The following TNK2 variants were observed in gnomAD, a reference collection of about 807,000 sequenced individuals.
TNK2 encodes the protein activated CDC42 kinase 1.
In TNK2, 83 loss-of-function variants were observed where a neutral mutation model predicts 101.8. That is an observed-to-expected ratio of 0.82 (90% CI 0.68 to 0.98). The LOEUF is 0.98. TNK2 is among the 50% of genes least tolerant of loss of function. TNK2 has a pLI of 0.00. For synonymous variants in TNK2, 804 were observed against 633.0 expected (o/e 1.27, Z -4.06); for missense variants, 1,665 against 1,483.2 (o/e 1.12, Z -2.01).
chr3:195,892,799 C>G (rs1759127766), intron 1 of TNK2: 2 of 1,130,970 alleles, frequency 1.8e-6, no homozygotes, highest in Non-Finnish European at 2.2e-6. Flanking sequence ...CGCCCGGCCG[C>G]CCTCCCTCTT....
At chr3:195,879,263 C>T (rs531382480) in intron 6 of TNK2, 88 bp from the exon 7 acceptor site, 3 of 1,565,422 alleles carry the variant, frequency 1.9e-6, no homozygotes, top group African/African-American at 1.3e-5. Flanking sequence ...GCAGCAAACA[C>T]TTGTTGTGAC....
Position 195,864,041 on chromosome 3 carries a change from A to G in TNK2, c.*140T>C. On this transcript the variant is annotated 3_prime_UTR_variant, in exon 16 of 16. Coordinates refer to ENST00000672887, the MANE Select transcript of TNK2 (RefSeq NM_001382273.1). Reference sequence around the variant, plus strand: ...CAGGGCAGGGCTCCCAGCCTCCCGCAGCCTTGGCCTTGCTCCATCCCCGGG... The same window carrying G: ...CAGGGCAGGGCTCCCAGCCTCCCGCGGCCTTGGCCTTGCTCCATCCCCGGG... 7.8e-6 allele frequency: 9 copies of G among 1,156,874 alleles called. No homozygotes were observed. The highest frequency in any genetic ancestry group is 1.1e-5 in the Non-Finnish European group (9 of 794,488). The allele number at this position is 1,156,874 out of a possible 1,614,324, so 71.7% of individuals were successfully genotyped here.
At chr3:195,881,870 G>A (rs1331702335) in intron 6 of TNK2, among the ~76,000 whole-genome samples, 181 bp downstream of exon 6, 50 of 152,120 alleles carry the variant, frequency 3.3e-4, no homozygotes, top group Admixed American at 3.3e-3. Flanking sequence ...CTGGCACGTG[G>A]GCCCTCAAGA....
Position 195,882,148 on chromosome 3 carries a change from C to T in TNK2, c.790G>A (p.Asp264Asn), listed in dbSNP as rs1434082281. 7 of 1,613,740 alleles carry T rather than the reference C, an allele frequency of 4.3e-6. No homozygotes were observed. Among genetic ancestry groups the T allele is most frequent in the East Asian group, 4.5e-5 (2 of 44,900 alleles). Residue 264 changes from aspartate (D) to asparagine (N), a missense_variant, in exon 6 of 16, where the codon GAC (aspartate) becomes AAC (asparagine). This residue lies in a region of TNK2 where 490 missense variants were observed against 522.5 expected (regional missense o/e 0.94). Transcript: ENST00000672887. The surrounding 1 kb of genome is among the most constrained non-coding windows in gnomAD (Gnocchi z 4.2). Reference protein sequence around the residue: ...AARNLLLATRDLVKIGDFGLM... With the variant: ...AARNLLLATRNLVKIGDFGLM... Reference sequence around the variant, plus strand: ...CCAAAGTCCCCGATCTTGACCAGGTCGCGGGTAGCCAACAGCAGATTGCGG... The same window carrying T: ...CCAAAGTCCCCGATCTTGACCAGGTTGCGGGTAGCCAACAGCAGATTGCGG...
chr3:195,889,601 G>A (rs539446216), intron 1 of TNK2, among the ~76,000 whole-genome samples: 71 of 152,296 alleles, frequency 4.7e-4, no homozygotes, highest in African/African-American at 1.7e-3. Flanking sequence ...TAACAATGCT[G>A]AATAGTTCAG....
Position 195,885,878 on chromosome 3 carries a change from G to A in TNK2, c.235-845C>T, listed in dbSNP as rs1371036994. On this transcript the variant is annotated intron_variant, in intron 3 of 15. Transcript: ENST00000672887. This position sits in a 1 kb window ranked among gnomAD's most constrained non-coding sequence, Gnocchi z 4.7. ...TGGGTCTCACGCCCCCAGAGCTGGTGGATCCTTATCCGTCTGGGCTAGGGT... is the reference window on the plus strand; with the variant it reads ...TGGGTCTCACGCCCCCAGAGCTGGTAGATCCTTATCCGTCTGGGCTAGGGT... The A allele has an allele frequency of 3.2e-6, 1 of 312,572 alleles. No homozygotes were observed. The highest frequency in any genetic ancestry group is 2.2e-5 in the African/African-American group (1 of 45,836). 19.4% of individuals were successfully genotyped at this position (312,572 alleles called of 1,614,324 possible).
In TNK2 at chr3:195,884,980, G is replaced by A. The variant is rs755608591; in HGVS notation, c.288C>T (p.Ser96=). The change falls in exon 4 of 16, where the codon AGC becomes AGT. Residue 96 remains serine (S), a synonymous_variant. Transcript: ENST00000672887. ...EAEFPPHHSQ[S]TFRKTSPAPG... ...GGGCGGGCGAGGTCTTCCGGAAGGTGCTCTGAGAGTGATGAGGTGGGAACT... is the reference window on the plus strand; with the variant it reads ...GGGCGGGCGAGGTCTTCCGGAAGGTACTCTGAGAGTGATGAGGTGGGAACT... 1.9e-6 allele frequency: 3 copies of A among 1,613,294 alleles called. No individual in the cohort carries two copies. The highest frequency in any genetic ancestry group is 2.5e-6 in the Non-Finnish European group (3 of 1,179,556).
In TNK2 at chr3:195,869,553, G is replaced by T; in HGVS notation, c.1544-12C>A. ...AGGTGGAGGCTCCCCTGCAAGAAAGGCCATGCGGACAGGGGGAGAGAGACG... is the reference window on the plus strand; with the variant it reads ...AGGTGGAGGCTCCCCTGCAAGAAAGTCCATGCGGACAGGGGGAGAGAGACG... On this transcript the variant is annotated splice_polypyrimidine_tract_variant and intron_variant, in intron 11 of 15. Transcript: ENST00000672887. The T allele has an allele frequency of 6.4e-7, 1 of 1,551,242 alleles. No homozygotes were observed. Among genetic ancestry groups the T allele is most frequent in the Non-Finnish European group, 8.7e-7 (1 of 1,146,936 alleles).
At chr3:195,866,800 T>C (rs1741175874) in intron 15 of TNK2, 89 bp downstream of exon 15, 1 of 1,521,242 alleles carries the variant, frequency 6.6e-7, no homozygotes, top group South Asian at 1.2e-5. Flanking sequence ...GGGAGCGGCC[T>C]GCGAGGTGTT....
chr3:195,887,951 CCT>C (rs1434068270), intron 2 of TNK2, among the ~76,000 whole-genome samples: 1 of 80,660 alleles, frequency 1.2e-5, no homozygotes, highest in African/African-American at 7.9e-5. Flanking sequence ...TGCGTGTGTG[CCT>C]GCGTGTGTGT....
intron 1 of TNK2, among the ~76,000 whole-genome samples, chr3:195,901,144 G>A (rs1453937206): frequency 6.6e-6 from 1 of 152,184 alleles, no homozygotes; most frequent in African/African-American, 2.4e-5. Context: ...GGTGCTTCAA[G>A]ACATACACCT....
chr3:195,876,821 T>G (rs1056901314), intron 9 of TNK2: 6 of 359,236 alleles, frequency 1.7e-5, no homozygotes, highest in Admixed American at 3.7e-5. Flanking sequence ...ACTGCCCGCC[T>G]TGCCCGGGCG....
In TNK2 at chr3:195,885,680, G is replaced by T; in HGVS notation, c.235-647C>A. The T allele has an allele frequency of 1.1e-6, 1 of 937,996 alleles. No individual in the cohort carries two copies. The highest frequency in any genetic ancestry group is 1.5e-6 in the Non-Finnish European group (1 of 678,496). 58.1% of individuals were successfully genotyped at this position (937,996 alleles called of 1,614,324 possible). A position where few individuals can be genotyped will look rare whatever the true frequency, so the allele number is the denominator to read the frequency against. ...GGAGGGGCGCCTAGAGCTGAGGGCTGAGACGGAAGGAAAAGTGGAGGAGAC... is the reference window on the plus strand; with the variant it reads ...GGAGGGGCGCCTAGAGCTGAGGGCTTAGACGGAAGGAAAAGTGGAGGAGAC... On this transcript the variant is annotated intron_variant, in intron 3 of 15. Transcript: ENST00000672887. The surrounding 1 kb of genome is among the most constrained non-coding windows in gnomAD (Gnocchi z 4.7).
rs1757106015 is a variant in TNK2 at position 195,888,575 on chromosome 3, T to G, written c.14A>C (p.Glu5Ala). MQPEEGTGWLLELLS... is the reference protein window; with the variant it reads MQPEAGTGWLLELLS... Reference sequence around the variant, plus strand: ...CAGCTCCAGCAGCCAGCCTGTGCCCTCCTCTGGCTGCATTCTGCCGCCTCC... The same window carrying G: ...CAGCTCCAGCAGCCAGCCTGTGCCCGCCTCTGGCTGCATTCTGCCGCCTCC... The change falls in exon 2 of 16, where the codon GAG becomes GCG. Residue 5 changes from glutamate to alanine, a missense_variant. Coordinates refer to ENST00000672887, the MANE Select transcript of TNK2 (RefSeq NM_001382273.1). The surrounding 1 kb of genome is among the most constrained non-coding windows in gnomAD (Gnocchi z 5.3). 6.2e-7 allele frequency: 1 copy of G among 1,611,334 alleles called. No individual in the cohort carries two copies. Among genetic ancestry groups the G allele is most frequent in the Non-Finnish European group, 8.5e-7 (1 of 1,179,458 alleles).
At chr3:195,883,654 G>C (rs550413402) in intron 4 of TNK2, 2 of 212,840 alleles carry the variant, frequency 9.4e-6, no homozygotes, top group African/African-American at 4.5e-5. Context: ...CGCTCTTGTC[G>C]CCCAGGCTGG....
At chr3:195,895,177 G>T in intron 1 of TNK2, 1 of 1,407,870 alleles carries the variant, frequency 7.1e-7, no homozygotes, top group Admixed American at 3.0e-5. Context: ...GCAGGGCTGA[G>T]CCCGGCTCAC....
At chr3:195,907,850 G>C (rs1272780435) in intron 1 of TNK2, among the ~76,000 whole-genome samples, 1 of 152,192 alleles carries the variant, frequency 6.6e-6, no homozygotes, top group Non-Finnish European at 1.5e-5. Context: ...CCCCTCTAAC[G>C]CTGGGTCGTC....
In TNK2 at chr3:195,888,751, G is replaced by C; in HGVS notation, c.-18-145C>G. 1 of 770,282 alleles carries C rather than the reference G, an allele frequency of 1.3e-6. No individual in the cohort carries two copies. The highest frequency in any genetic ancestry group is 2.0e-6 in the Non-Finnish European group (1 of 496,188). The allele number at this position is 770,282 out of a possible 1,614,324, so 47.7% of individuals were successfully genotyped here. ...TCTGACTCCCGAGGGAAGCTACCGA[G>C]AACCGCCTGGACCCACGTCCCCTAT... On this transcript the variant is annotated intron_variant, in intron 1 of 15. Coordinates refer to ENST00000672887, the MANE Select transcript of TNK2 (RefSeq NM_001382273.1). The surrounding 1 kb of genome is among the most constrained non-coding windows in gnomAD (Gnocchi z 5.3).
chr3:195,879,405 G>T (rs376217974), intron 6 of TNK2: 242 of 495,636 alleles, frequency 4.9e-4, no homozygotes, highest in African/African-American at 4.4e-3. Flanking sequence ...GCCTGGTGGG[G>T]GAAGAGGAAA....
Sources: allele counts gnomAD v4.1 joint callset (sites outside exome capture counted in the v4.1 genomes callset), GRCh38; gene constraint gnomAD v4.1.1; regional missense constraint gnomAD v4.1.1; non-coding constraint Gnocchi (gnomAD v3.1); transcripts MANE v1.5; gene names NCBI Gene and HGNC (gene_info 2026-07-23, HGNC 2026-07-21).